MYO7B: variants seen among roughly 807,000 people sequenced by gnomAD.
MYO7B encodes the protein myosin VIIB.
MYO7B carries 212 observed loss-of-function variants against 259.7 expected under a neutral mutation model. The observed-to-expected ratio is 0.82, with a 90% CI of 0.73 to 0.91. The LOEUF is 0.91. Ranked by LOEUF, MYO7B falls within the 40% of genes least tolerant of loss-of-function variation. The probability of loss-of-function intolerance (pLI) is 0.00; values close to 1 mark genes in which losing one functional copy is unlikely to be tolerated. For synonymous variants in MYO7B, 1,197 were observed against 1,166.4 expected, an observed-to-expected ratio of 1.03 and a Z score of -0.54; for missense variants, 2,732 against 2,813.5, an observed-to-expected ratio of 0.97 and a Z score of 0.66.
intron 18 of MYO7B, among the ~76,000 whole-genome samples, chr2:127,594,599 T>A (rs1558823530): frequency 6.6e-6 from 1 of 152,224 alleles, no homozygotes; most frequent in Non-Finnish European, 1.5e-5. Flanking sequence ...CTCAGTGCAC[T>A]GTGGGTTTGT....
In MYO7B at chr2:127,636,950, G is replaced by C; in HGVS notation, c.6327+37G>C. The stretch of plus-strand genomic sequence containing the variant: ...TTCTTTCTCCCATCCAAGATGCATA[G>C]GACAGAGCTGCTGGAGACTGGGTTC... On this transcript the variant is annotated intron_variant, in intron 47 of 47. Coordinates refer to ENST00000409816, the MANE Select transcript of MYO7B (RefSeq NM_001393586.1). The surrounding 1 kb of genome is among the most constrained non-coding windows in gnomAD (Gnocchi z 4.5). 6.2e-7 allele frequency: 1 copy of C among 1,604,884 alleles called. No individual in the cohort carries two copies. Among genetic ancestry groups the C allele is most frequent in the Non-Finnish European group, 8.5e-7 (1 of 1,179,622 alleles).
At chr2:127,624,581 G>A (rs763673965) in intron 30 of MYO7B, among the ~76,000 whole-genome samples, 12 of 152,232 alleles carry the variant, frequency 7.9e-5, no homozygotes, top group Non-Finnish European at 1.8e-4. Flanking sequence ...CTCCTGCTCT[G>A]TTTATGGGGC....
rs1052436710 is a variant in MYO7B at position 127,559,135 on chromosome 2, G to A, written c.-23-565G>A. Reference sequence around the variant, plus strand: ...CCCGCTCCTCCTCCTGCTGGGCCTGGCTGCCTACTTGGGCCTGGCTGCCTG... The same window carrying A: ...CCCGCTCCTCCTCCTGCTGGGCCTGACTGCCTACTTGGGCCTGGCTGCCTG... On this transcript the variant is annotated intron_variant, in intron 1 of 47. Coordinates refer to ENST00000409816, the MANE Select transcript of MYO7B (RefSeq NM_001393586.1). The surrounding 1 kb of genome is among the most constrained non-coding windows in gnomAD (Gnocchi z 4.1). 8.5e-5 allele frequency among the ~76,000 whole-genome samples: 13 copies of A among 152,268 alleles called. No homozygotes were observed. Among genetic ancestry groups the A allele is most frequent in the African/African-American group, 3.1e-4 (13 of 41,534 alleles).
At chr2:127,543,069 T>C (rs1558789102) in intron 1 of MYO7B, among the ~76,000 whole-genome samples, 2 of 152,192 alleles carry the variant, frequency 1.3e-5, no homozygotes, top group African/African-American at 4.8e-5. Flanking sequence ...CTTCCTCTTA[T>C]CTCAACTGCA....
At chr2:127,571,853 T>G (rs1276270378) in intron 6 of MYO7B, among the ~76,000 whole-genome samples, 1 of 152,206 alleles carries the variant, frequency 6.6e-6, no homozygotes, top group African/African-American at 2.4e-5. Context: ...CATCTTATAT[T>G]GTGTCCGAGT....
chr2:127,629,911 C>A (rs1401736987), intron 35 of MYO7B, 85 bp downstream of exon 35: 2 of 1,381,482 alleles, frequency 1.4e-6, no homozygotes, highest in East Asian at 5.6e-5. Flanking sequence ...GGAGGCCTAG[C>A]TCAGGGCCTG....
chr2:127,554,202 G>A (rs191275849), intron 1 of MYO7B, among the ~76,000 whole-genome samples: 333 of 152,212 alleles, frequency 2.2e-3, no homozygotes, highest in Non-Finnish European at 2.5e-3. Flanking sequence ...AGCCTCCTGA[G>A]TAACTGGGAT....
At chr2:127,617,487 G>GTTTTTTTTTTT (rs35542480) in intron 26 of MYO7B, among the ~76,000 whole-genome samples, 16 of 84,826 alleles carry the variant, frequency 1.9e-4, no homozygotes, top group African/African-American at 6.2e-4. Flanking sequence ...TTGTAACGGG[G>GTTTTTTTTTTT]TTTTTTTTTT....
intron 6 of MYO7B, among the ~76,000 whole-genome samples, chr2:127,573,429 T>C (rs1329041146): frequency 1.3e-5 from 2 of 152,250 alleles, no homozygotes; most frequent in African/African-American, 2.4e-5. Flanking sequence ...CCGTGTGCCC[T>C]GGCCTGGACA....
At chr2:127,634,525 G>T in intron 41 of MYO7B, 71 bp from the exon 42 acceptor site, 1 of 1,409,434 alleles carries the variant, frequency 7.1e-7, no homozygotes, top group South Asian at 1.2e-5. Flanking sequence ...CACTGGACCA[G>T]AACCCAGCAG....
chr2:127,597,555 G>A lies in MYO7B; in HGVS notation c.2339+999G>A, dbSNP rs72960565. On this transcript the variant is annotated intron_variant, in intron 19 of 47. Transcript: ENST00000409816. The surrounding 1 kb of genome is among the most constrained non-coding windows in gnomAD (Gnocchi z 4.8). ...TTATACAACATGCAGCCTGGGGTGG[G>A]CTTTTTTCACTTGGCATGTTTCTCT... Among the ~76,000 whole-genome samples the A allele has an allele frequency of 1.6e-3, 250 of 152,110 alleles. No individual in the cohort carries two copies. Among genetic ancestry groups the A allele is most frequent in the African/African-American group, 5.9e-3 (244 of 41,484 alleles).
intron 9 of MYO7B, among the ~76,000 whole-genome samples, chr2:127,579,654 C>T (rs1240542139): frequency 2.0e-5 from 3 of 152,124 alleles, no homozygotes; most frequent in Non-Finnish European, 2.9e-5. Flanking sequence ...GGTGGGATCT[C>T]GACTCACTGC....
rs114096373 is a variant in MYO7B at position 127,583,157 on chromosome 2, G to C, written c.1343+711G>C. Among the ~76,000 whole-genome samples the C allele has an allele frequency of 4.0e-3, 606 of 152,362 alleles. 8 individuals are homozygous for C. The highest frequency in any genetic ancestry group is 0.014 in the African/African-American group (583 of 41,590). ...CTCACTGAAAGGGCTTGATGGGACA[G>C]AGACCGGACCACTGGCTCCAGGAAG... is the stretch of plus-strand genomic sequence containing the variant. On this transcript the variant is annotated intron_variant, in intron 12 of 47. Coordinates refer to ENST00000409816, the MANE Select transcript of MYO7B (RefSeq NM_001393586.1).
chr2:127,538,919 C>T (rs886492491), intron 1 of MYO7B, among the ~76,000 whole-genome samples: 2 of 152,144 alleles, frequency 1.3e-5, no homozygotes, highest in Non-Finnish European at 2.9e-5. Context: ...AAATGTGGGG[C>T]CTTAAGCCTC....
intron 6 of MYO7B, 75 bp from the exon 7 acceptor site, chr2:127,573,845 C>T: frequency 6.3e-7 from 1 of 1,576,144 alleles, no homozygotes; most frequent in Non-Finnish European, 8.7e-7. Flanking sequence ...TCTGAGAAGC[C>T]CTCTTACATG....
At position 127,636,497 on chromosome 2, in the gene MYO7B, G is replaced by A. The variant is rs754208184; in HGVS notation, c.6124-48G>A. The A allele has an allele frequency of 3.8e-6, 6 of 1,566,750 alleles. No homozygotes were observed. Among genetic ancestry groups the A allele is most frequent in the Non-Finnish European group, 5.2e-6 (6 of 1,150,026 alleles). On this transcript the variant is annotated intron_variant, in intron 45 of 47. Coordinates refer to ENST00000409816, the MANE Select transcript of MYO7B (RefSeq NM_001393586.1). The surrounding 1 kb of genome is among the most constrained non-coding windows in gnomAD (Gnocchi z 4.5). Reference sequence around the variant, plus strand: ...CCTAGATGAGCTCCTGGGAGGTGCAGCCTGGCCTCCCGGGCTGGACTATGA... The same window carrying A: ...CCTAGATGAGCTCCTGGGAGGTGCAACCTGGCCTCCCGGGCTGGACTATGA...
At chr2:127,593,047 C>T (rs914889615) in intron 17 of MYO7B, 101 bp downstream of exon 17, 8 of 1,428,610 alleles carry the variant, frequency 5.6e-6, no homozygotes, top group African/African-American at 1.4e-5. Context: ...CCGCTGCCCT[C>T]CCCGGCCCCA....
At chr2:127,618,090 T>C (rs1003037405) in intron 26 of MYO7B, among the ~76,000 whole-genome samples, 1 of 152,178 alleles carries the variant, frequency 6.6e-6, no homozygotes, top group African/African-American at 2.4e-5. Flanking sequence ...TCTCTATTTG[T>C]CCCTGCAGGC....
At position 127,609,591 on chromosome 2, in the gene MYO7B, GC is replaced by G. The variant is rs1163134330; in HGVS notation, c.2902del (p.Leu968TrpfsTer11). 3.1e-6 allele frequency: 5 copies of G among 1,613,900 alleles called. No homozygotes were observed. The highest frequency in any genetic ancestry group is 4.2e-6 in the Non-Finnish European group (5 of 1,179,902). On this transcript the variant is annotated frameshift_variant, in exon 23 of 48. Transcript: ENST00000409816. LOFTEE classifies it high-confidence loss of function. The surrounding 1 kb of genome is among the most constrained non-coding windows in gnomAD (Gnocchi z 6.9). ...MAEEPEEDVD[G>X]LAEYTFPKFA... ...GAGGAGCCTGAGGAGGATGTGGATG[GC>G]CTGGCCGAGTACACCTTCCCCAAGT...
Sources: allele counts gnomAD v4.1 joint callset (sites outside exome capture counted in the v4.1 genomes callset), GRCh38; gene constraint gnomAD v4.1.1; non-coding constraint Gnocchi (gnomAD v3.1); transcripts MANE v1.5; gene names NCBI Gene and HGNC (gene_info 2026-07-23, HGNC 2026-07-21).